Variants in LRRC17 observed in about 807,000 individuals in gnomAD.
LRRC17 encodes the protein leucine-rich repeat-containing protein 17.
A neutral mutation model predicts 41.5 loss-of-function variants in LRRC17; 33 were observed. The ratio of observed to expected loss-of-function variants is 0.80; its 90% CI spans 0.60 to 1.06. The LOEUF is 1.06. Ranked by LOEUF, LRRC17 falls within the 50% of genes least tolerant of loss-of-function variation. The pLI is 0.00. For synonymous variants in LRRC17, 192 were observed against 197.0 expected (o/e 0.97, Z 0.21); for missense variants, 491 against 519.3 (o/e 0.95, Z 0.53).
intron 1 of LRRC17, among the ~76,000 whole-genome samples, chr7:102,915,107 A>G (rs1815570824): frequency 6.6e-6 from 1 of 150,946 alleles, no homozygotes; most frequent in South Asian, 2.1e-4. Context: ...TCATTTGTTA[A>G]GTGGAGATTA....
chr7:102,928,227 T>C (rs1818502253), intron 1 of LRRC17, among the ~76,000 whole-genome samples: 1 of 152,184 alleles, frequency 6.6e-6, no homozygotes, highest in Non-Finnish European at 1.5e-5. Context: ...TAAAGAAGCT[T>C]GAACATCCAA....
Position 102,933,884 on chromosome 7 carries a change from C to T in LRRC17, c.-30C>T, listed in dbSNP as rs1819699544. ...TACTTTCATTGTTCCGTCTGTAACA[C>T]GAAGTAATTGGGGCCAGCTGGATGT... On this transcript the variant is annotated 5_prime_UTR_variant, in exon 2 of 4. In the 5' UTR this introduces an upstream ATG that the reference lacks. Transcript: ENST00000339431. 6.4e-7 allele frequency: 1 copy of T among 1,560,808 alleles called. No individual in the cohort carries two copies. Among genetic ancestry groups the T allele is most frequent in the Non-Finnish European group, 8.7e-7 (1 of 1,151,244 alleles).
chr7:102,913,004 GTAT>G lies in LRRC17; in HGVS notation c.-281_-279del. The stretch of plus-strand genomic sequence containing the variant: ...GTGCTGCGGTCCGTGCACAGCATTA[GTAT>G]AACGTGAGGGCTGAATGCAGCCCAT... On this transcript the variant is annotated 5_prime_UTR_variant, in exon 1 of 4. Transcript: ENST00000339431. 1 of 1,583,708 alleles carries G rather than the reference GTAT, an allele frequency of 6.3e-7. No individual in the cohort carries two copies. Among genetic ancestry groups the G allele is most frequent in the South Asian group, 1.1e-5 (1 of 88,940 alleles).
intron 1 of LRRC17, among the ~76,000 whole-genome samples, chr7:102,925,989 G>A (rs888372055): frequency 6.6e-6 from 1 of 150,860 alleles, no homozygotes; most frequent in Non-Finnish European, 1.5e-5. Flanking sequence ...GAATGTAAGG[G>A]CCAGAAAGCT....
chr7:102,931,821 C>A, intron 1 of LRRC17: 2 of 1,483,434 alleles, frequency 1.3e-6, no homozygotes, highest in Non-Finnish European at 1.9e-6. Flanking sequence ...TGCATATTGG[C>A]ACCCCAATGT....
At chr7:102,942,364 G>C in intron 3 of LRRC17, 1 of 1,533,962 alleles carries the variant, frequency 6.5e-7, no homozygotes, top group Non-Finnish European at 8.8e-7. Context: ...AATGCAGTGG[G>C]AGTTGCCAGA....
chr7:102,913,527 C>G (rs946368391), intron 1 of LRRC17, among the ~76,000 whole-genome samples: 5 of 152,068 alleles, frequency 3.3e-5, no homozygotes, highest in African/African-American at 1.2e-4. Flanking sequence ...GTGGGGGAGG[C>G]AATCATATTG....
Position 102,944,879 on chromosome 7 carries a change from T to G in LRRC17, c.*272T>G, listed in dbSNP as rs972603085. On this transcript the variant is annotated 3_prime_UTR_variant, in exon 4 of 4. Coordinates refer to ENST00000339431, the MANE Select transcript of LRRC17 (RefSeq NM_001031692.3). The stretch of plus-strand genomic sequence containing the variant: ...TTGGGTCCTAATGATGGCATTAGAC[T>G]TTCATAATGTCCTGTATAAATGTTT... 6.1e-6 allele frequency: 2 copies of G among 329,954 alleles called. No individual in the cohort carries two copies. Among genetic ancestry groups the G allele is most frequent in the Non-Finnish European group, 1.1e-5 (2 of 184,390 alleles). 20.4% of individuals were successfully genotyped at this position (329,954 alleles called of 1,614,324 possible).
At chr7:102,935,235 T>C (rs1353913057) in intron 2 of LRRC17, among the ~76,000 whole-genome samples, 4 of 129,944 alleles carry the variant, frequency 3.1e-5, no homozygotes, top group African/African-American at 1.1e-4. Context: ...CCTTTTTTTT[T>C]TTCTTTCTTT....
chr7:102,918,316 A>G (rs1450113797), intron 1 of LRRC17, among the ~76,000 whole-genome samples: 3 of 152,230 alleles, frequency 2.0e-5, no homozygotes, highest in African/African-American at 7.2e-5. Context: ...ACTAGAAGGA[A>G]GAGCCAAACA....
intron 1 of LRRC17, among the ~76,000 whole-genome samples, chr7:102,931,602 T>G (rs1292142445): frequency 6.6e-6 from 1 of 152,230 alleles, no homozygotes; most frequent in Non-Finnish European, 1.5e-5. Context: ...AATTTTTTTC[T>G]GTCTCATACA....
chr7:102,915,416 A>T (rs1815640216), intron 1 of LRRC17, among the ~76,000 whole-genome samples: 1 of 152,128 alleles, frequency 6.6e-6, no homozygotes, highest in African/African-American at 2.4e-5. Flanking sequence ...TCTTCCATTT[A>T]ATGAAATGGA....
At chr7:102,924,647 T>C (rs953141909) in intron 1 of LRRC17, among the ~76,000 whole-genome samples, 1 of 148,924 alleles carries the variant, frequency 6.7e-6, no homozygotes, top group African/African-American at 2.5e-5. Flanking sequence ...TTTTCTTTTT[T>C]TTTTTTTTTT....
intron 2 of LRRC17, among the ~76,000 whole-genome samples, chr7:102,935,972 C>T (rs1157546694): frequency 1.3e-5 from 2 of 152,106 alleles, no homozygotes; most frequent in Admixed American, 6.5e-5. Flanking sequence ...CATCCTGAAC[C>T]AGAAGTAAAT....
chr7:102,922,768 C>A (rs184488524), intron 1 of LRRC17, among the ~76,000 whole-genome samples: 1 of 151,746 alleles, frequency 6.6e-6, no homozygotes, highest in Non-Finnish European at 1.5e-5. Context: ...GTCAGGAGAT[C>A]GAGACCATCC....
Position 102,943,704 on chromosome 7 carries a change from A to G in LRRC17, c.929-506A>G, listed in dbSNP as rs117747638. Among the ~76,000 whole-genome samples, 443 of 152,340 alleles carry G rather than the reference A, an allele frequency of 2.9e-3. 3 individuals carry two copies. Among genetic ancestry groups the G allele is most frequent in the South Asian group, 5.4e-3 (26 of 4,830 alleles). On this transcript the variant is annotated intron_variant, in intron 3 of 3. Transcript: ENST00000339431. ...GCCAAGCAGATACCACCCATTACAT[A>G]TACGTTTTCAGGACAAGCAATAACG...
intron 2 of LRRC17, among the ~76,000 whole-genome samples, chr7:102,935,984 T>A (rs929379205): frequency 2.0e-5 from 3 of 152,108 alleles, no homozygotes; most frequent in Non-Finnish European, 2.9e-5. Context: ...GAAGTAAATT[T>A]GCTCATTTAC....
intron 3 of LRRC17, among the ~76,000 whole-genome samples, chr7:102,943,351 C>T (rs1478959309): frequency 1.4e-5 from 2 of 146,604 alleles, no homozygotes; most frequent in Non-Finnish European, 3.0e-5. Flanking sequence ...AAAAAAAAAG[C>T]CCAAAATACA....
Position 102,934,273 on chromosome 7 carries a change from TGA to T in LRRC17, c.364_365del (p.Ser122Ter), listed in dbSNP as rs1217009118. 6.2e-7 allele frequency: 1 copy of T among 1,614,056 alleles called. No individual in the cohort carries two copies. Among genetic ancestry groups the T allele is most frequent in the Non-Finnish European group, 8.5e-7 (1 of 1,180,032 alleles). The part of the protein sequence containing the change: ...DLQQNEISKI[E>X]SEAFFGLNKL... Reference sequence around the variant, plus strand: ...TGCAGCAGAATGAGATCTCTAAAATTGAGAGTGAGGCGTTCTTTGGTTTAAAC... The same window carrying T: ...TGCAGCAGAATGAGATCTCTAAAATTGAGTGAGGCGTTCTTTGGTTTAAAC... On this transcript the variant is annotated frameshift_variant, in exon 2 of 4. Transcript: ENST00000339431. LOFTEE classifies it high-confidence loss of function.
Sources: allele counts gnomAD v4.1 joint callset (sites outside exome capture counted in the v4.1 genomes callset), GRCh38; gene constraint gnomAD v4.1.1; transcripts MANE v1.5; gene names NCBI Gene and HGNC (gene_info 2026-07-23, HGNC 2026-07-21).